PIBF1: variants seen among roughly 807,000 people sequenced by gnomAD.
PIBF1 encodes progesterone-induced-blocking factor 1.
Under a neutral mutation model 112.5 loss-of-function variants are expected in PIBF1, and 90 were observed. That is an observed-to-expected ratio of 0.80 (90% CI 0.67 to 0.95). PIBF1 has a LOEUF of 0.95. Ranked by LOEUF, PIBF1 falls within the 40% of genes least tolerant of loss-of-function variation. PIBF1 has a pLI of 0.00. For missense variants in PIBF1, 915 were observed against 852.3 expected (o/e 1.07, Z -0.92); for synonymous variants, 301 against 288.6 (o/e 1.04, Z -0.44).
rs771810941 is a variant in PIBF1, at chr13:73,005,294, C to CAA, written c.2223+6314_2223+6315dup. Among the ~76,000 whole-genome samples the CAA allele has an allele frequency of 4.8e-3, 653 of 135,648 alleles. 11 individuals are homozygous for CAA. The highest frequency in any genetic ancestry group is 4.1e-3 in the Non-Finnish European group (254 of 62,342). The allele number at this position is 135,648 out of a possible 152,430, so 89.0% of individuals were successfully genotyped here. On this transcript the variant is annotated intron_variant, in intron 17 of 17. Coordinates refer to ENST00000326291, the MANE Select transcript of PIBF1 (RefSeq NM_006346.4). ...AACTTTTGTGAGATCCTACCTTTAC[C>CAA]AAAAAAAAAAAAAAAATTTTTTTTT...
intron 3 of PIBF1, 83 bp from the exon 4 acceptor site, chr13:72,795,273 TTTA>T: frequency 1.2e-6 from 1 of 819,288 alleles, no homozygotes; most frequent in Non-Finnish European, 2.0e-6. Context: ...ATTTCCTAAC[TTTA>T]TGTTGATATA....
intron 9 of PIBF1, among the ~76,000 whole-genome samples, chr13:72,844,213 A>G (rs545327390): frequency 6.6e-6 from 1 of 152,318 alleles, no homozygotes; most frequent in African/African-American, 2.4e-5. Flanking sequence ...GTTGGTAAAA[A>G]CTAGATACAT....
intron 14 of PIBF1, among the ~76,000 whole-genome samples, chr13:72,962,283 A>C (rs761579661): frequency 5.9e-5 from 9 of 152,136 alleles, no homozygotes; most frequent in Non-Finnish European, 1.3e-4. Context: ...AAAGGAAATT[A>C]AGAAAACAAT....
At chr13:72,852,896 C>T (rs1239306975) in intron 9 of PIBF1, among the ~76,000 whole-genome samples, 3 of 152,122 alleles carry the variant, frequency 2.0e-5, no homozygotes, top group Non-Finnish European at 2.9e-5. Flanking sequence ...TTATGGTCCT[C>T]TTAGGCTGTG....
At chr13:72,863,387 C>A (rs2038779730) in intron 10 of PIBF1, among the ~76,000 whole-genome samples, 1 of 152,046 alleles carries the variant, frequency 6.6e-6, no homozygotes, top group Non-Finnish European at 1.5e-5. Flanking sequence ...CGCGGTGGCT[C>A]ACGCCTGTAA....
chr13:72,976,691 C>T (rs894141476), intron 16 of PIBF1, among the ~76,000 whole-genome samples: 2 of 152,090 alleles, frequency 1.3e-5, no homozygotes, highest in Non-Finnish European at 2.9e-5. Flanking sequence ...ATGCAAAGGC[C>T]TCCGCAAATT....
At chr13:72,845,585 C>T (rs1461583324) in intron 9 of PIBF1, among the ~76,000 whole-genome samples, 4 of 152,150 alleles carry the variant, frequency 2.6e-5, no homozygotes, top group African/African-American at 7.2e-5. Flanking sequence ...CTTGAGGAAT[C>T]GCTACACTGT....
intron 10 of PIBF1, among the ~76,000 whole-genome samples, chr13:72,862,445 A>G (rs1036687933): frequency 1.3e-5 from 2 of 152,188 alleles, no homozygotes; most frequent in African/African-American, 4.8e-5. Context: ...TCTCAAATAA[A>G]TAAATTAATT....
intron 10 of PIBF1, among the ~76,000 whole-genome samples, chr13:72,867,693 T>A (rs1362432189): frequency 6.6e-6 from 1 of 152,206 alleles, no homozygotes; most frequent in African/African-American, 2.4e-5. Flanking sequence ...TTTTGTAAAT[T>A]ATAAAGAAGA....
intron 13 of PIBF1, among the ~76,000 whole-genome samples, chr13:72,925,169 A>G (rs917447768): frequency 2.5e-4 from 38 of 152,368 alleles, no homozygotes; most frequent in Admixed American, 2.1e-3. Context: ...GAGTGGGAAC[A>G]GGATATAGAC....
intron 5 of PIBF1, among the ~76,000 whole-genome samples, chr13:72,808,596 A>AT (rs1406062345): frequency 2.6e-5 from 4 of 151,914 alleles, no homozygotes; most frequent in African/African-American, 4.8e-5. Flanking sequence ...TTTCAGTTCA[A>AT]TTTTTTTTGG....
intron 13 of PIBF1, among the ~76,000 whole-genome samples, chr13:72,921,840 G>A (rs1381475557): frequency 2.0e-5 from 3 of 152,168 alleles, no homozygotes; most frequent in African/African-American, 7.2e-5. Context: ...AAATTACATA[G>A]TTAATTTTAG....
intron 10 of PIBF1, among the ~76,000 whole-genome samples, chr13:72,869,924 TTTTGAG>T (rs1458907962): frequency 6.6e-6 from 1 of 152,140 alleles, no homozygotes; most frequent in Non-Finnish European, 1.5e-5. Context: ...ATAGTAATTC[TTTTGAG>T]TTTATTTAGG....
chr13:72,815,928 A>G lies in PIBF1; in HGVS notation c.673-5921A>G, dbSNP rs1472637451. ...GGTTAATATGTGATACTTTTAAGAT[A>G]ATTTAGCAACTTGGTCTCTTTAACA... On this transcript the variant is annotated intron_variant, in intron 5 of 17. Coordinates refer to ENST00000326291, the MANE Select transcript of PIBF1 (RefSeq NM_006346.4). Among the ~76,000 whole-genome samples, 21 of 152,222 alleles carry G rather than the reference A, an allele frequency of 1.4e-4. 1 individual carries two copies. The highest frequency in any genetic ancestry group is 1.3e-3 in the Admixed American group (20 of 15,282).
At position 72,834,871 on chromosome 13, in the gene PIBF1, C is replaced by T. The variant is rs373427043; in HGVS notation, c.1098-372C>T. Among the ~76,000 whole-genome samples, 11 of 152,214 alleles carry T rather than the reference C, an allele frequency of 7.2e-5. No individual in the cohort carries two copies. In the East Asian group the frequency reaches 1.2e-3, roughly 16 times the overall value. On this transcript the variant is annotated intron_variant, in intron 8 of 17. Coordinates refer to ENST00000326291, the MANE Select transcript of PIBF1 (RefSeq NM_006346.4). The stretch of plus-strand genomic sequence containing the variant: ...ATATTTTTGTTAATATTATTCATCT[C>T]TCAACATCATCCTACCACATTATTA...
At chr13:72,982,466 A>T (rs1363673412) in intron 16 of PIBF1, among the ~76,000 whole-genome samples, 1 of 152,002 alleles carries the variant, frequency 6.6e-6, no homozygotes, top group Non-Finnish European at 1.5e-5. Flanking sequence ...ATAAAAAAAT[A>T]TTATCTATCC....
At chr13:72,806,672 T>G (rs2035752049) in intron 5 of PIBF1, among the ~76,000 whole-genome samples, 1 of 152,222 alleles carries the variant, frequency 6.6e-6, no homozygotes, top group Non-Finnish European at 1.5e-5. Flanking sequence ...GGTTTCCAGT[T>G]TCATCCATGT....
chr13:72,934,676 C>T (rs2041811404), intron 14 of PIBF1, among the ~76,000 whole-genome samples: 1 of 152,080 alleles, frequency 6.6e-6, no homozygotes, highest in African/African-American at 2.4e-5. Flanking sequence ...GACAAAATGA[C>T]AATGCTAAGT....
intron 10 of PIBF1, among the ~76,000 whole-genome samples, chr13:72,857,919 G>A (rs1046649515): frequency 2.0e-5 from 3 of 152,148 alleles, no homozygotes; most frequent in Admixed American, 6.5e-5. Context: ...TTGTGTTTGC[G>A]TGGGTATGGA....
Sources: gnomAD v4.1 joint callset for allele counts (sites outside exome capture counted in the v4.1 genomes callset) on GRCh38, gnomAD v4.1.1 for gene constraint, MANE v1.5 for transcripts, NCBI Gene and HGNC (gene_info 2026-07-23, HGNC 2026-07-21) for gene names.